The following PRPF18 variants were observed in gnomAD, a reference collection of about 807,000 sequenced individuals.
The protein encoded by PRPF18 is pre-mRNA processing factor 18, also known as pre-mRNA-splicing factor 18.
PRPF18 carries 38 observed loss-of-function variants against 46.5 expected under a neutral mutation model. The observed-to-expected ratio is 0.82, with a 90% CI of 0.63 to 1.07. The LOEUF (loss-of-function observed/expected upper bound fraction) is 1.07, where lower values mean the gene tolerates loss of function less well. PRPF18 is among the 50% of genes least tolerant of loss of function. PRPF18 has a pLI of 0.00. For synonymous variants in PRPF18, 152 were observed against 146.7 expected (o/e 1.04, Z -0.26); for missense variants, 263 against 410.0 (o/e 0.64, Z 3.10).
chr10:13,616,395 C>T lies in PRPF18; in HGVS notation c.793-3C>T, dbSNP rs1254586426. On this transcript the variant is annotated splice_polypyrimidine_tract_variant and splice_region_variant and intron_variant, in intron 8 of 9. Coordinates refer to ENST00000378572, the MANE Select transcript of PRPF18 (RefSeq NM_003675.4). ...CTGATTTCTTCTTACACTTTCCTTT[C>T]AGGCAAATGATGCTTATCTTCAGAT... 1 of 1,599,908 alleles carries T rather than the reference C, an allele frequency of 6.3e-7. No individual in the cohort carries two copies. Among genetic ancestry groups the T allele is most frequent in the Non-Finnish European group, 8.5e-7 (1 of 1,171,616 alleles).
At chr10:13,588,268 G>C (rs1469213841) in intron 1 of PRPF18, among the ~76,000 whole-genome samples, 1 of 152,098 alleles carries the variant, frequency 6.6e-6, no homozygotes, top group Admixed American at 6.5e-5. Context: ...TTAGCTGGGC[G>C]TGGTGGTGCG....
rs1027312012 is a variant in PRPF18 at position 13,616,381 on chromosome 10, T to C, written c.793-17T>C. The C allele has an allele frequency of 2.5e-6, 4 of 1,596,148 alleles. No homozygotes were observed. Among genetic ancestry groups the C allele is most frequent in the Non-Finnish European group, 3.4e-6 (4 of 1,168,268 alleles). ...ACATTTTCGCCTTTCTGATTTCTTC[T>C]TACACTTTCCTTTCAGGCAAATGAT... On this transcript the variant is annotated splice_polypyrimidine_tract_variant and intron_variant, in intron 8 of 9. Coordinates refer to ENST00000378572, the MANE Select transcript of PRPF18 (RefSeq NM_003675.4).
chr10:13,639,562 T>A, the PRPF18 span: 1 of 152,210 alleles, frequency 6.6e-6, no homozygotes, highest in Non-Finnish European at 1.5e-5. Context: ...TAGAGTTTTT[T>A]AAAAATTAAA....
chr10:13,610,233 C>T (rs769882825), intron 5 of PRPF18, 48 bp downstream of exon 5: 19 of 1,574,968 alleles, frequency 1.2e-5, no homozygotes, highest in Admixed American at 1.7e-5. Context: ...CTTCTTTTTC[C>T]TCTGGAGCAG....
At chr10:13,651,734 A>G in the PRPF18 span, 1 of 615,012 alleles carries the variant, frequency 1.6e-6, no homozygotes, top group Admixed American at 2.9e-5. Flanking sequence ...CATAATTTTG[A>G]TGTAAGAACC....
the PRPF18 span, chr10:13,648,690 C>T: frequency 6.6e-6 from 1 of 152,246 alleles, no homozygotes; most frequent in Admixed American, 6.5e-5. Context: ...GCTCCAGTGA[C>T]ATCGGCTGGT....
intron 3 of PRPF18, among the ~76,000 whole-genome samples, chr10:13,603,216 T>C (rs1359425024): frequency 6.6e-6 from 1 of 152,178 alleles, no homozygotes; most frequent in Non-Finnish European, 1.5e-5. Flanking sequence ...CGAGCGTCTA[T>C]TGAAATAGTA....
At chr10:13,608,077 T>C (rs558387050) in intron 4 of PRPF18, among the ~76,000 whole-genome samples, 3 of 152,362 alleles carry the variant, frequency 2.0e-5, no homozygotes, top group African/African-American at 7.2e-5. Flanking sequence ...TAGTGTTTGT[T>C]TATTTATTAT....
At chr10:13,623,458 T>C (rs577467274) in intron 9 of PRPF18, among the ~76,000 whole-genome samples, 1 of 152,358 alleles carries the variant, frequency 6.6e-6, no homozygotes, top group Admixed American at 6.5e-5. Flanking sequence ...GTGGAAAACG[T>C]CACTCATCTT....
intron 1 of PRPF18, among the ~76,000 whole-genome samples, chr10:13,591,133 C>T (rs918524418): frequency 4.6e-5 from 7 of 152,154 alleles, no homozygotes. Context: ...AGGGTGAGTG[C>T]TCTTGCATGA....
chr10:13,596,721 T>A (rs1384617942), intron 1 of PRPF18, among the ~76,000 whole-genome samples: 5 of 152,168 alleles, frequency 3.3e-5, no homozygotes, highest in Admixed American at 2.0e-4. Flanking sequence ...ATTTAGAGCT[T>A]GTCTCTTTAC....
chr10:13,644,486 ATGTTT>A, the PRPF18 span: 1 of 152,192 alleles, frequency 6.6e-6, no homozygotes, highest in Non-Finnish European at 1.5e-5. Flanking sequence ...GACTATCATG[ATGTTT>A]GTTGGAACTG....
At chr10:13,634,387 T>C (rs2080616642), downstream of PRPF18, among the ~76,000 whole-genome samples, 1 of 152,228 alleles carries the variant, frequency 6.6e-6, no homozygotes, top group Non-Finnish European at 1.5e-5. Flanking sequence ...CTGAGAAGTT[T>C]CGAGCTGCCT....
At chr10:13,650,230 A>T in the PRPF18 span, among the ~76,000 whole-genome samples, 2 of 152,128 alleles carry the variant, frequency 1.3e-5, no homozygotes, top group East Asian at 3.9e-4. Context: ...TTAAACGTAT[A>T]ACTAACTTAC....
At position 13,605,753 on chromosome 10, in the gene PRPF18, A is replaced by G; in HGVS notation, c.363+9A>G. On this transcript the variant is annotated intron_variant, in intron 4 of 9. Transcript: ENST00000378572. ...CACCAGAAGTTAACAAGGTAAGAGG[A>G]CAGAACAAAGCTAGAAAAATACCAC... The G allele has an allele frequency of 6.2e-7, 1 of 1,606,602 alleles. No homozygotes were observed. The highest frequency in any genetic ancestry group is 8.5e-7 in the Non-Finnish European group (1 of 1,177,676).
chr10:13,614,332 C>T (rs1237246693), intron 8 of PRPF18, among the ~76,000 whole-genome samples: 1 of 152,126 alleles, frequency 6.6e-6, no homozygotes, highest in Non-Finnish European at 1.5e-5. Context: ...TTAAAATAGG[C>T]CTAAAGGTTC....
At position 13,593,336 on chromosome 10, in the gene PRPF18, A is replaced by AAGG. The variant is rs1482067024; in HGVS notation, c.67-4120_67-4118dup. Among the ~76,000 whole-genome samples the AAGG allele has an allele frequency of 3.9e-5, 6 of 152,202 alleles. 1 individual carries two copies. Among genetic ancestry groups the AAGG allele is most frequent in the Admixed American group, 3.9e-4 (6 of 15,278 alleles). On this transcript the variant is annotated intron_variant, in intron 1 of 9. Transcript: ENST00000378572. ...GCTAAGAGGAGAAAGTTACTGAAGG[A>AAGG]AGGAAGGAATGAGCAGTTAAATCGA...
chr10:13,610,194 T>C lies in PRPF18; in HGVS notation c.510+9T>C. ...CAATTGAAGAGTTAGAGGTAATCTC[T>C]ACACCAAGCCCAGCACATCCCTGGC... On this transcript the variant is annotated intron_variant, in intron 5 of 9. Transcript: ENST00000378572. The C allele has an allele frequency of 6.2e-7, 1 of 1,610,576 alleles. No homozygotes were observed. The highest frequency in any genetic ancestry group is 8.5e-7 in the Non-Finnish European group (1 of 1,177,346).
intron 8 of PRPF18, among the ~76,000 whole-genome samples, chr10:13,614,417 T>G (rs1476296543): frequency 6.6e-6 from 1 of 152,224 alleles, no homozygotes; most frequent in Non-Finnish European, 1.5e-5. Flanking sequence ...GATTATGTCT[T>G]GGAACAAATT....
Sources: allele counts gnomAD v4.1 joint callset (sites outside exome capture counted in the v4.1 genomes callset), GRCh38; gene constraint gnomAD v4.1.1; transcripts MANE v1.5; gene names NCBI Gene and HGNC (gene_info 2026-07-23, HGNC 2026-07-21).